The following CABLES1 variants were observed in gnomAD, a reference collection of about 807,000 sequenced individuals.
CABLES1 encodes Cdk5 and Abl enzyme substrate 1, also known as CDK5 and ABL1 enzyme substrate 1.
A neutral mutation model predicts 57.8 loss-of-function variants in CABLES1; 36 were observed. That is an observed-to-expected ratio of 0.62 (90% confidence interval 0.48 to 0.82). The LOEUF (loss-of-function observed/expected upper bound fraction) is 0.82. CABLES1 is among the 40% of genes least tolerant of loss of function. The pLI is 0.00. For synonymous variants in CABLES1, 374 were observed against 363.0 expected, an observed-to-expected ratio of 1.03 and a Z score of -0.35; for missense variants, 767 against 836.6, an observed-to-expected ratio of 0.92 and a Z score of 1.03.
chr18:23,198,867 TAC>T (rs1343442940), intron 3 of CABLES1, among the ~76,000 whole-genome samples: 1 of 152,222 alleles, frequency 6.6e-6, no homozygotes, highest in African/African-American at 2.4e-5. Context: ...TGTAAGATAA[TAC>T]ATTTGTGTTG....
intron 1 of CABLES1, among the ~76,000 whole-genome samples, chr18:23,150,704 G>T (rs1432969247): frequency 1.3e-5 from 2 of 152,096 alleles, no homozygotes; most frequent in African/African-American, 4.8e-5. Context: ...TGGAGGGTTC[G>T]GTGAAGGGTC....
intron 1 of CABLES1, among the ~76,000 whole-genome samples, chr18:23,139,268 T>G (rs2046842717): frequency 6.6e-6 from 1 of 151,962 alleles, no homozygotes; most frequent in Non-Finnish European, 1.5e-5. Context: ...CTGGGTGTAT[T>G]GTTGTGCCCC....
Position 23,194,450 on chromosome 18 carries a change from G to T in CABLES1, c.920G>T (p.Cys307Phe). The change falls in exon 3 of 10, where the codon TGT becomes TTT. Residue 307 changes from cysteine (C) to phenylalanine (F), a missense_variant and splice_region_variant. Transcript: ENST00000256925. Reference protein sequence around the residue: ...DIEENAPLRRCRTLSGSPRPK... With the variant: ...DIEENAPLRRFRTLSGSPRPK... ...TTTGAAATGACTTTATTTTTCAGAT[G>T]TCGAACTCTCTCAGGTTCACCCAGA... 6.2e-7 allele frequency: 1 copy of T among 1,603,828 alleles called. No individual in the cohort carries two copies. The highest frequency in any genetic ancestry group is 8.5e-7 in the Non-Finnish European group (1 of 1,170,678).
intron 4 of CABLES1, chr18:23,227,051 G>A (rs1303108452): frequency 6.6e-6 from 1 of 152,156 alleles, no homozygotes; most frequent in African/African-American, 2.4e-5. Flanking sequence ...TCTGGGGGGT[G>A]TGTTTTTAAA....
At chr18:23,155,060 A>G (rs1318397202) in intron 1 of CABLES1, among the ~76,000 whole-genome samples, 1 of 152,178 alleles carries the variant, frequency 6.6e-6, no homozygotes, top group Non-Finnish European at 1.5e-5. Flanking sequence ...TAGGAACAAT[A>G]TATTTCAATC....
At chr18:23,179,358 A>G (rs1257135900) in intron 1 of CABLES1, among the ~76,000 whole-genome samples, 4 of 152,228 alleles carry the variant, frequency 2.6e-5, no homozygotes, top group Admixed American at 2.6e-4. Context: ...TTTCTTAAAG[A>G]TAATCCTGTC....
At chr18:23,230,547 A>G (rs1306419561) in intron 4 of CABLES1, among the ~76,000 whole-genome samples, 1 of 152,148 alleles carries the variant, frequency 6.6e-6, no homozygotes, top group East Asian at 1.9e-4. Flanking sequence ...GAGGGAGGAA[A>G]AGCGTGGAAA....
At chr18:23,211,109 C>G (rs1001120840) in intron 3 of CABLES1, among the ~76,000 whole-genome samples, 3 of 151,574 alleles carry the variant, frequency 2.0e-5, no homozygotes, top group South Asian at 2.1e-4. Flanking sequence ...AACAAGCAGC[C>G]CATTTACTGA....
intron 4 of CABLES1, among the ~76,000 whole-genome samples, chr18:23,222,090 C>A (rs898421671): frequency 1.3e-5 from 2 of 152,210 alleles, no homozygotes; most frequent in Admixed American, 1.3e-4. Context: ...CTTAAAACCT[C>A]CTTTGTGGTC....
intron 7 of CABLES1, among the ~76,000 whole-genome samples, chr18:23,242,449 T>A (rs916251579): frequency 6.6e-6 from 1 of 152,186 alleles, no homozygotes; most frequent in South Asian, 2.1e-4. Flanking sequence ...TGCTTCCAGC[T>A]CTCTGCACCT....
At chr18:23,208,085 T>C (rs1229638609) in intron 3 of CABLES1, among the ~76,000 whole-genome samples, 1 of 152,154 alleles carries the variant, frequency 6.6e-6, no homozygotes, top group African/African-American at 2.4e-5. Context: ...TGCCTCCTCC[T>C]CCTAGGCCAG....
intron 1 of CABLES1, among the ~76,000 whole-genome samples, chr18:23,185,213 CGT>C: frequency 6.6e-6 from 1 of 152,094 alleles, no homozygotes; most frequent in East Asian, 1.9e-4. Flanking sequence ...GTTATTGGGT[CGT>C]GTGCTTTTGT....
intron 1 of CABLES1, among the ~76,000 whole-genome samples, chr18:23,155,573 C>T (rs1326110599): frequency 3.3e-5 from 5 of 152,312 alleles, no homozygotes; most frequent in Non-Finnish European, 5.9e-5. Flanking sequence ...TGGCATCTCC[C>T]GCTTACAATG....
intron 1 of CABLES1, among the ~76,000 whole-genome samples, chr18:23,153,928 C>T (rs766613045): frequency 8.6e-5 from 13 of 151,964 alleles, no homozygotes; most frequent in South Asian, 2.1e-4. Flanking sequence ...CCACCTAGGA[C>T]GCGGAAGCAC....
At chr18:23,205,817 C>A (rs1264551211) in intron 3 of CABLES1, among the ~76,000 whole-genome samples, 1 of 152,132 alleles carries the variant, frequency 6.6e-6, no homozygotes, top group Non-Finnish European at 1.5e-5. Context: ...TAAGATCATG[C>A]CACTGCCCTC....
Position 23,177,487 on chromosome 18 carries a change from G to A in CABLES1, c.846-11351G>A, listed in dbSNP as rs182072036. On this transcript the variant is annotated intron_variant, in intron 1 of 9. Transcript: ENST00000256925. ...GTGCTGTGATACCAGCCCCAGCCCC[G>A]CCGGTCTATGTGTGGTCAGCTTGTC... Among the ~76,000 whole-genome samples, 9 of 150,688 alleles carry A rather than the reference G, an allele frequency of 6.0e-5. No individual in the cohort carries two copies. In the East Asian group the frequency reaches 1.8e-3, roughly 30 times the overall value.
At chr18:23,230,488 G>A (rs187982885) in intron 4 of CABLES1, among the ~76,000 whole-genome samples, 9 of 152,178 alleles carry the variant, frequency 5.9e-5, no homozygotes, top group Non-Finnish European at 1.2e-4. Context: ...TTAATTCCAG[G>A]CCAGCAAAAT....
intron 1 of CABLES1, among the ~76,000 whole-genome samples, chr18:23,156,357 C>G (rs995285342): frequency 5.3e-4 from 81 of 152,280 alleles, no homozygotes; most frequent in African/African-American, 1.9e-3. Flanking sequence ...CCAAAGGCTG[C>G]TTGGCTGTGA....
chr18:23,200,243 T>C (rs2047313910), intron 3 of CABLES1, among the ~76,000 whole-genome samples: 1 of 151,752 alleles, frequency 6.6e-6, no homozygotes, highest in Non-Finnish European at 1.5e-5. Flanking sequence ...TGGAAAAAAG[T>C]GTGAGGGTAA....
Sources: allele counts gnomAD v4.1 joint callset (sites outside exome capture counted in the v4.1 genomes callset), GRCh38; gene constraint gnomAD v4.1.1; transcripts MANE v1.5; gene names NCBI Gene and HGNC (gene_info 2026-07-23, HGNC 2026-07-21).